HCK: variants seen among roughly 807,000 people sequenced by gnomAD.
HCK encodes the protein tyrosine-protein kinase HCK.
In HCK, 40 loss-of-function variants were observed where a neutral mutation model predicts 70.4. The ratio of observed to expected loss-of-function variants is 0.57; its 90% CI spans 0.44 to 0.74. The LOEUF (loss-of-function observed/expected upper bound fraction) is 0.74. Among genes scored for constraint, HCK ranks in the 30% least tolerant of loss-of-function variants. HCK has a pLI of 0.00. For missense variants in HCK, 568 were observed against 697.2 expected (o/e 0.81, Z 2.09); for synonymous variants, 245 against 263.2 (o/e 0.93, Z 0.67).
At position 32,073,334 on chromosome 20, in the gene HCK, A is replaced by G; in HGVS notation, c.199A>G (p.Asn67Asp). The G allele has an allele frequency of 6.2e-7, 1 of 1,612,308 alleles. No individual in the cohort carries two copies. The highest frequency in any genetic ancestry group is 8.5e-7 in the Non-Finnish European group (1 of 1,179,436). ...TTCCCCACAGGGGCCTAATAGCCAC[A>G]ACAGCAACACACCAGGAATCAGGGA... The change falls in exon 3 of 13, where the codon AAC becomes GAC. Residue 67 changes from asparagine to aspartate, a missense_variant. By Grantham distance (23) the Asn-to-Asp change is conservative. This residue lies in a region of HCK where 318 missense variants were observed against 336.0 expected (regional missense o/e 0.95). Transcript: ENST00000375852.
chr20:32,053,894 C>G lies in HCK; in HGVS notation c.62+1408C>G, dbSNP rs137939037. On this transcript the variant is annotated intron_variant, in intron 1 of 12. Coordinates refer to ENST00000375852, the MANE Select transcript of HCK (RefSeq NM_002110.5). Reference sequence around the variant, plus strand: ...CCCGGTGATGCTGCTGCTGCTGATCCAAGGAGGACACTTTGAGAACCACTG... The same window carrying G: ...CCCGGTGATGCTGCTGCTGCTGATCGAAGGAGGACACTTTGAGAACCACTG... Among the ~76,000 whole-genome samples the G allele has an allele frequency of 1.3e-3, 197 of 152,116 alleles. 1 individual carries two copies. The highest frequency in any genetic ancestry group is 4.6e-3 in the African/African-American group (190 of 41,502).
chr20:32,091,234 G>C (rs1314362554), intron 10 of HCK, among the ~76,000 whole-genome samples: 1 of 152,202 alleles, frequency 6.6e-6, no homozygotes, highest in Non-Finnish European at 1.5e-5. Context: ...ATCAAACAGT[G>C]GTAACTACCA....
chr20:32,101,550 C>T lies in HCK; in HGVS notation c.*31C>T. ...AGGACCAGGGCAGGGCCAGGGGGTG[C>T]CCAGGTGGTGGCTGCAAGGTGGCTC... On this transcript the variant is annotated 3_prime_UTR_variant, in exon 13 of 13. Coordinates refer to ENST00000375852, the MANE Select transcript of HCK (RefSeq NM_002110.5). The T allele has an allele frequency of 1.3e-6, 2 of 1,580,190 alleles. No homozygotes were observed. Among genetic ancestry groups the T allele is most frequent in the South Asian group, 1.1e-5 (1 of 88,478 alleles).
At position 32,093,644 on chromosome 20, in the gene HCK, TC is replaced by T. The variant is rs2045894773; in HGVS notation, c.1093-214del. 7.2e-5 allele frequency among the ~76,000 whole-genome samples: 11 copies of T among 152,254 alleles called. 1 individual carries two copies. The highest frequency in any genetic ancestry group is 7.2e-4 in the Admixed American group (11 of 15,302). On this transcript the variant is annotated intron_variant, in intron 10 of 12. Transcript: ENST00000375852. Reference sequence around the variant, plus strand: ...CTGGAAGTCTTGGAATTCTAGAGAATCCCCCAAACTGGCCCAGGCCTCCTTA... The same window carrying T: ...CTGGAAGTCTTGGAATTCTAGAGAATCCCCAAACTGGCCCAGGCCTCCTTA...
intron 1 of HCK, among the ~76,000 whole-genome samples, chr20:32,063,730 T>G (rs966559178): frequency 1.3e-5 from 2 of 151,896 alleles, no homozygotes; most frequent in Non-Finnish European, 2.9e-5. Flanking sequence ...TCACAATCCC[T>G]TATAAGAATT....
Position 32,098,918 on chromosome 20 carries a change from T to C in HCK, c.1247-86T>C, listed in dbSNP as rs937869108. On this transcript the variant is annotated intron_variant, in intron 11 of 12. Transcript: ENST00000375852. ...CTGCAGGGGCAGATGTTGGCAGCTC[T>C]TGCCCTTGCCTGTTCCCCCACCTTA... 2.7e-6 allele frequency: 4 copies of C among 1,466,594 alleles called. No individual in the cohort carries two copies. The African/African-American group carries it at 5.6e-5, about 20-fold the overall frequency. 90.8% of individuals were successfully genotyped at this position (1,466,594 alleles called of 1,614,324 possible).
intron 1 of HCK, among the ~76,000 whole-genome samples, chr20:32,058,361 G>C (rs1309858178): frequency 1.3e-5 from 2 of 151,892 alleles, no homozygotes; most frequent in Non-Finnish European, 2.9e-5. Context: ...GTGAAACCCC[G>C]TCTCTACTAA....
chr20:32,099,547 G>A (rs1046270012), intron 12 of HCK, among the ~76,000 whole-genome samples: 2 of 151,682 alleles, frequency 1.3e-5, no homozygotes, highest in Non-Finnish European at 1.5e-5. Flanking sequence ...TAGTAGAGAC[G>A]GGGTTTCACC....
In HCK at chr20:32,084,113, T is replaced by C. The variant is rs1402046786; in HGVS notation, c.682+70T>C. 3.9e-6 allele frequency: 6 copies of C among 1,531,856 alleles called. No individual in the cohort carries two copies. The Admixed American group carries it at 9.2e-5, about 24-fold the overall frequency. The allele number at this position is 1,531,856 out of a possible 1,614,324, so 94.9% of individuals were successfully genotyped here. ...CAGACTCCTAGTCACGGATGCACTG[T>C]GGCCCCTGAGACCTGCTGTGTCCTT... is the stretch of plus-strand genomic sequence containing the variant. On this transcript the variant is annotated intron_variant, in intron 7 of 12. Transcript: ENST00000375852.
At chr20:32,099,234 AC>A in intron 12 of HCK, 99 bp downstream of exon 12, 1 of 1,261,012 alleles carries the variant, frequency 7.9e-7, no homozygotes, top group Non-Finnish European at 1.1e-6. Flanking sequence ...CTTGATCCTC[AC>A]CCCCAACCTT....
chr20:32,086,554 C>A (rs2045789266), intron 8 of HCK, 74 bp from the exon 9 acceptor site: 1 of 1,288,158 alleles, frequency 7.8e-7, no homozygotes, highest in Non-Finnish European at 1.1e-6. Context: ...GGCGGGTCTG[C>A]AGCTGGGCCT....
chr20:32,084,163 T>C (rs2045748730), intron 7 of HCK, 120 bp downstream of exon 7: 1 of 1,171,924 alleles, frequency 8.5e-7, no homozygotes, highest in South Asian at 1.5e-5. Flanking sequence ...AGACAGATAG[T>C]TGCTTTGGAT....
At chr20:32,082,635 C>G (rs753434688) in intron 6 of HCK, among the ~76,000 whole-genome samples, 90 of 152,098 alleles carry the variant, frequency 5.9e-4, no homozygotes, top group Non-Finnish European at 1.0e-3. Flanking sequence ...CAGCGAGACT[C>G]TGACACACAC....
chr20:32,087,889 G>A (rs1007615962), intron 9 of HCK, among the ~76,000 whole-genome samples: 3 of 151,960 alleles, frequency 2.0e-5, no homozygotes, highest in Non-Finnish European at 2.9e-5. Context: ...TGATCCGCCC[G>A]CCTCAGCCTC....
At position 32,086,687 on chromosome 20, in the gene HCK, G is replaced by A. The variant is rs781421982; in HGVS notation, c.895G>A (p.Val299Met). 8 of 1,613,232 alleles carry A rather than the reference G, an allele frequency of 5.0e-6. No homozygotes were observed. The Admixed American group carries it at 1.2e-4, about 24-fold the overall frequency. ...GACGATGAAGCCAGGGAGCATGTCG[G>A]TGGAGGCCTTCCTGGCAGAGGCCAA... The change falls in exon 9 of 13, where the codon GTG (valine) becomes ATG (methionine). Residue 299 changes from valine (V) to methionine (M), a missense_variant. Physicochemically the swap from Val to Met is conservative, Grantham distance 21 (BLOSUM62 1). Transcript: ENST00000375852.
Position 32,101,438 on chromosome 20 carries a change from G to C in HCK, c.1500G>C (p.Glu500Asp). The C allele has an allele frequency of 6.2e-7, 1 of 1,614,174 alleles. No homozygotes were observed. The highest frequency in any genetic ancestry group is 2.2e-5 in the East Asian group (1 of 44,880). ...GCTGCTGGAAAAACCGTCCGGAGGA[G>C]CGGCCGACCTTCGAATACATCCAGA... Residue 500 changes from glutamate to aspartate, a missense_variant, in exon 13 of 13, where the codon GAG (glutamate) becomes GAC (aspartate). Transcript: ENST00000375852.
At position 32,089,592 on chromosome 20, in the gene HCK, A is replaced by G. The variant is rs543730401; in HGVS notation, c.1092+948A>G. ...CTAACAAAGTAAATAATGTTCACAA[A>G]TCGCAAAAACACTGCTGAAAACCTA... On this transcript the variant is annotated intron_variant, in intron 10 of 12. Transcript: ENST00000375852. 2.6e-5 allele frequency among the ~76,000 whole-genome samples: 4 copies of G among 152,342 alleles called. No individual in the cohort carries two copies. The South Asian group carries it at 6.2e-4, about 24-fold the overall frequency.
chr20:32,052,856 G>T (rs937245258), intron 1 of HCK, among the ~76,000 whole-genome samples: 2 of 151,906 alleles, frequency 1.3e-5, no homozygotes, highest in Non-Finnish European at 2.9e-5. Flanking sequence ...CAGAACCCGG[G>T]AAGGGGAAGG....
At chr20:32,098,340 T>C (rs1325646602) in intron 11 of HCK, among the ~76,000 whole-genome samples, 3 of 152,128 alleles carry the variant, frequency 2.0e-5, no homozygotes, top group Non-Finnish European at 4.4e-5. Context: ...CAAAAAAATT[T>C]TTTTAATTAG....
Sources: allele counts gnomAD v4.1 joint callset (sites outside exome capture counted in the v4.1 genomes callset), GRCh38; gene constraint gnomAD v4.1.1; regional missense constraint gnomAD v4.1.1; transcripts MANE v1.5; gene names NCBI Gene and HGNC (gene_info 2026-07-23, HGNC 2026-07-21).